Variants in ZNF536 observed in about 807,000 individuals in gnomAD.
ZNF536 encodes zinc finger protein 536.
In ZNF536, 13 loss-of-function variants were observed where a neutral mutation model predicts 84.5. The ratio of observed to expected loss-of-function variants is 0.15; its 90% CI spans 0.10 to 0.24. The LOEUF is 0.24. Ranked by LOEUF, ZNF536 falls within the 10% of genes least tolerant of loss-of-function variation. The pLI, the probability that ZNF536 is intolerant of heterozygous loss-of-function variation, is 1.00. For missense variants in ZNF536, 1,536 were observed against 1,747.5 expected (o/e 0.88, Z 2.16); for synonymous variants, 811 against 742.5 (o/e 1.09, Z -1.50).
rs559724069 is a variant in ZNF536, at chr19:30,623,043, T to G, written c.169+73529T>G. On this transcript the variant is annotated intron_variant, in intron 1 of 1. Coordinates refer to the ZNF536 transcript ENST00000592773. Reference sequence around the variant, plus strand: ...GTGTTTTTTTTTTTGTTTTTTTGTTTTTTTGTTTTTTTGAGATGGGATCTT... The same window carrying G: ...GTGTTTTTTTTTTTGTTTTTTTGTTGTTTTGTTTTTTTGAGATGGGATCTT... Among the ~76,000 whole-genome samples, 23 of 148,616 alleles carry G rather than the reference T, an allele frequency of 1.5e-4. 1 individual carries two copies. The East Asian group carries it at 4.1e-3, about 26-fold the overall frequency.
chr19:30,527,219 CTTTTTTTT>C (rs56404227), intron 2 of ZNF536, among the ~76,000 whole-genome samples: 10 of 106,172 alleles, frequency 9.4e-5, no homozygotes, highest in African/African-American at 2.3e-4. Flanking sequence ...ACCCAGCCTC[CTTTTTTTT>C]TTTTTTTTTT....
chr19:30,286,076 C>T (rs2045614910), intron 2 of ZNF536, among the ~76,000 whole-genome samples: 1 of 152,150 alleles, frequency 6.6e-6, no homozygotes, highest in African/African-American at 2.4e-5. Flanking sequence ...TCTTCCTCCT[C>T]TCTCCCTCCT....
At chr19:30,247,662 T>C (rs750203596) in intron 1 of ZNF536, among the ~76,000 whole-genome samples, 3 of 152,068 alleles carry the variant, frequency 2.0e-5, no homozygotes, top group Admixed American at 6.5e-5. Context: ...AGCCCGTCTC[T>C]ACAGAAAATT....
chr19:30,656,797 C>A (rs114675006), intron 1 of ZNF536, among the ~76,000 whole-genome samples: 1 of 152,216 alleles, frequency 6.6e-6, no homozygotes, highest in Non-Finnish European at 1.5e-5. Flanking sequence ...TGCCCCTGGA[C>A]TTGGAGGGCC....
intron 1 of ZNF536, among the ~76,000 whole-genome samples, chr19:30,608,074 G>A (rs898464810): frequency 8.5e-5 from 13 of 152,136 alleles, no homozygotes; most frequent in Admixed American, 2.6e-4. Context: ...TATCTTTTGC[G>A]TATTTGTGCA....
rs916502756 is a variant in ZNF536 at position 30,693,027 on chromosome 19, A to G, written c.170-17730A>G. 1.1e-3 allele frequency among the ~76,000 whole-genome samples: 157 copies of G among 147,158 alleles called. 2 individuals carry two copies. The South Asian group carries it at 0.017, about 16-fold the overall frequency. ...AGCAGCTCCAAAACCTGGGGGGGAG[A>G]GAGAGAGAGAGAGAGAGAGAGAGTG... is the stretch of plus-strand genomic sequence containing the variant. On this transcript the variant is annotated intron_variant, in intron 1 of 1. Transcript: ENST00000592773.
chr19:30,689,053 T>TA (rs1330906287), intron 1 of ZNF536, among the ~76,000 whole-genome samples: 1 of 152,246 alleles, frequency 6.6e-6, no homozygotes. Context: ...GTCATCCCCT[T>TA]AGACCTGGCC....
intron 2 of ZNF536, among the ~76,000 whole-genome samples, chr19:30,479,343 A>G (rs1568470771): frequency 6.6e-6 from 1 of 152,162 alleles, no homozygotes; most frequent in Non-Finnish European, 1.5e-5. Flanking sequence ...AAGAAGTAGC[A>G]GCCTTCATTT....
At chr19:30,272,798 C>T (rs1395192368) in intron 1 of ZNF536, among the ~76,000 whole-genome samples, 4 of 152,194 alleles carry the variant, frequency 2.6e-5, no homozygotes, top group East Asian at 1.9e-4. Flanking sequence ...GTACCACAAT[C>T]GAGCTATTCA....
At chr19:30,372,004 G>A (rs2048628004), upstream of ZNF536, among the ~76,000 whole-genome samples, 1 of 152,134 alleles carries the variant, frequency 6.6e-6, no homozygotes, top group Admixed American at 6.5e-5. Flanking sequence ...TGGAGGAAAT[G>A]AGACCTAAGA....
rs73924777 is a variant in ZNF536, at chr19:30,569,200, T to G, written c.169+19686T>G. Among the ~76,000 whole-genome samples, 5 of 151,486 alleles carry G rather than the reference T, an allele frequency of 3.3e-5. No individual in the cohort carries two copies. The East Asian group carries it at 9.7e-4, about 29-fold the overall frequency. On this transcript the variant is annotated intron_variant, in intron 1 of 1. Transcript: ENST00000592773. ...TGAGTAGAGATGAATTTTGTTCAAC[T>G]TTTTTTTTGTGTTGAGGTATATATC...
At chr19:30,626,609 A>AC (rs1367004848) in intron 1 of ZNF536, among the ~76,000 whole-genome samples, 3 of 151,904 alleles carry the variant, frequency 2.0e-5, no homozygotes, top group Non-Finnish European at 2.9e-5. Flanking sequence ...TTCCCCCGCT[A>AC]CCCCCACTTG....
At chr19:30,315,337 GCTTCCTGGAGGAGGCAGTCAGGGAAGA>G (rs941216894) in intron 2 of ZNF536, among the ~76,000 whole-genome samples, 1 of 152,208 alleles carries the variant, frequency 6.6e-6, no homozygotes, top group African/African-American at 2.4e-5. Context: ...GGAGGCGAAG[GCTTCCTGGAGGAGGCAGTCAGGGAAGA>G]CTTCCTGGAG....
chr19:30,287,726 G>T (rs1307518796), intron 2 of ZNF536, among the ~76,000 whole-genome samples: 1 of 116,182 alleles, frequency 8.6e-6, no homozygotes, highest in Non-Finnish European at 1.8e-5. Context: ...GGATGGGTGG[G>T]TGGGTGGCTG....
At position 30,706,907 on chromosome 19, in the gene ZNF536, A is replaced by C. The variant is rs190443931; in HGVS notation, c.170-3850A>C. Among the ~76,000 whole-genome samples, 6 of 152,304 alleles carry C rather than the reference A, an allele frequency of 3.9e-5. No homozygotes were observed. In the East Asian group the frequency reaches 1.2e-3, roughly 29 times the overall value. ...GTCCATTTCAGAGAAGCTTTGGCCA[A>C]AGCCTCGAAACATTTCTCAGGTTTC... is the stretch of plus-strand genomic sequence containing the variant. On this transcript the variant is annotated intron_variant, in intron 1 of 1. Coordinates refer to the ZNF536 transcript ENST00000592773.
chr19:30,401,393 C>G (rs953987879), intron 1 of ZNF536, among the ~76,000 whole-genome samples: 5 of 152,092 alleles, frequency 3.3e-5, no homozygotes, highest in Non-Finnish European at 7.4e-5. Flanking sequence ...GGTTAGACTC[C>G]CCATGTCCCA....
At chr19:30,323,729 A>G (rs566024958) in intron 2 of ZNF536, among the ~76,000 whole-genome samples, 1 of 152,214 alleles carries the variant, frequency 6.6e-6, no homozygotes, top group African/African-American at 2.4e-5. Context: ...CCATGATTAG[A>G]GGTGGCATTG....
chr19:30,620,441 G>A (rs2048443238), intron 1 of ZNF536, among the ~76,000 whole-genome samples: 1 of 152,178 alleles, frequency 6.6e-6, no homozygotes, highest in African/African-American at 2.4e-5. Context: ...CTGGGTCCTG[G>A]AAGGGACAGT....
chr19:30,665,961 C>T (rs1271413392), intron 1 of ZNF536, among the ~76,000 whole-genome samples: 1 of 152,152 alleles, frequency 6.6e-6, no homozygotes, highest in Non-Finnish European at 1.5e-5. Flanking sequence ...CCTGTGGTGG[C>T]CCCTTTTGGG....
Sources: gnomAD v4.1 joint callset for allele counts (sites outside exome capture counted in the v4.1 genomes callset) on GRCh38, gnomAD v4.1.1 for gene constraint, MANE v1.5 for transcripts, NCBI Gene and HGNC (gene_info 2026-07-23, HGNC 2026-07-21) for gene names.